MRPS6: variants seen among roughly 807,000 people sequenced by gnomAD.
MRPS6 encodes the protein mitochondrial ribosomal protein S6.
In MRPS6, 6 loss-of-function variants were observed where a neutral mutation model predicts 13.1. That is an observed-to-expected ratio of 0.46 (90% CI 0.25 to 0.91). The LOEUF is 0.91. MRPS6 is among the 40% of genes least tolerant of loss of function. The probability of loss-of-function intolerance (pLI) is 0.18; values close to 1 mark genes in which losing one functional copy is unlikely to be tolerated. For synonymous variants in MRPS6, 61 were observed against 56.5 expected (o/e 1.08, Z -0.36); for missense variants, 164 against 155.6 (o/e 1.05, Z -0.29).
intron 2 of MRPS6, among the ~76,000 whole-genome samples, chr21:34,139,226 T>A (rs1980819005): frequency 6.7e-6 from 1 of 148,572 alleles, no homozygotes; most frequent in Non-Finnish European, 1.5e-5. Context: ...TAGGAGATAT[T>A]CCTAATGCTA....
chr21:34,140,473 C>T (rs944430374), intron 2 of MRPS6, among the ~76,000 whole-genome samples: 4 of 152,076 alleles, frequency 2.6e-5, no homozygotes, highest in African/African-American at 9.6e-5. Flanking sequence ...GTTATATGGC[C>T]CAGAATATGG....
chr21:34,132,353 A>G (rs1980533241), intron 2 of MRPS6, among the ~76,000 whole-genome samples: 1 of 152,228 alleles, frequency 6.6e-6, no homozygotes, highest in African/African-American at 2.4e-5. Flanking sequence ...CTTTGCCCAC[A>G]TCAGCCCCGG....
Position 34,087,165 on chromosome 21 carries a change from A to G in MRPS6, c.45+13420A>G, listed in dbSNP as rs1366685536. Reference sequence around the variant, plus strand: ...GCCACTGAGATTTTTATCTGAATGAACATATTTGTCTAGTCCAGTTTGCCT... The same window carrying G: ...GCCACTGAGATTTTTATCTGAATGAGCATATTTGTCTAGTCCAGTTTGCCT... On this transcript the variant is annotated intron_variant, in intron 1 of 2. Coordinates refer to ENST00000399312, the MANE Select transcript of MRPS6 (RefSeq NM_032476.4). Among the ~76,000 whole-genome samples the G allele has an allele frequency of 2.0e-5, 3 of 152,128 alleles. No individual in the cohort carries two copies. In the East Asian group the frequency reaches 5.8e-4, roughly 29 times the overall value.
intron 1 of MRPS6, among the ~76,000 whole-genome samples, chr21:34,109,569 C>CT (rs1979616619): frequency 6.6e-6 from 1 of 152,150 alleles, no homozygotes; most frequent in Non-Finnish European, 1.5e-5. Flanking sequence ...GCAGAGCCCT[C>CT]TTTTTTATCT....
chr21:34,106,927 C>CTT (rs879395530), intron 1 of MRPS6, among the ~76,000 whole-genome samples: 13 of 146,414 alleles, frequency 8.9e-5, no homozygotes, highest in African/African-American at 3.0e-4. Context: ...ACGGTATTGA[C>CTT]TTTTTTTTTT....
intron 1 of MRPS6, among the ~76,000 whole-genome samples, chr21:34,111,132 C>T (rs1367515127): frequency 6.6e-6 from 1 of 152,186 alleles, no homozygotes; most frequent in Non-Finnish European, 1.5e-5. Context: ...CAGTTTTCCA[C>T]CATGCTGTGC....
At chr21:34,138,220 G>T (rs1181570623) in intron 2 of MRPS6, among the ~76,000 whole-genome samples, 1 of 151,990 alleles carries the variant, frequency 6.6e-6, no homozygotes, top group African/African-American at 2.4e-5. Context: ...TGTTCACTCT[G>T]ATGGTAGTTT....
intron 1 of MRPS6, chr21:34,104,180 G>C: frequency 1.0e-6 from 1 of 1,000,014 alleles, no homozygotes; most frequent in Non-Finnish European, 1.2e-6. Flanking sequence ...TTTGATCTGA[G>C]TGTTCTGAGC....
chr21:34,125,050 A>G, intron 1 of MRPS6: 1 of 277,706 alleles, frequency 3.6e-6, no homozygotes, highest in East Asian at 7.6e-5. Flanking sequence ...GCTCTGAAGA[A>G]GCCACTCATT....
rs1044834718 is a variant in MRPS6, at chr21:34,103,250, C to T, written c.46-22091C>T. On this transcript the variant is annotated intron_variant, in intron 1 of 2. Transcript: ENST00000399312. ...ATTGACTCTGCTAGTTTGCACCTTTCCGTTCTTAACAGAAAATTTGTATTT... is the reference window on the plus strand; with the variant it reads ...ATTGACTCTGCTAGTTTGCACCTTTTCGTTCTTAACAGAAAATTTGTATTT... 2.3e-5 allele frequency: 23 copies of T among 999,172 alleles called. No homozygotes were observed. The African/African-American group carries it at 3.9e-4, about 17-fold the overall frequency. The allele number at this position is 999,172 out of a possible 1,614,324, so 61.9% of individuals were successfully genotyped here. A position where few individuals can be genotyped will look rare whatever the true frequency, so the allele number is the denominator to read the frequency against.
At chr21:34,075,166 C>T (rs920643885) in intron 1 of MRPS6, among the ~76,000 whole-genome samples, 1 of 152,158 alleles carries the variant, frequency 6.6e-6, no homozygotes, top group African/African-American at 2.4e-5. Flanking sequence ...CTTCAACTTA[C>T]GTGTTTTAGG....
At chr21:34,109,884 C>T (rs1330187436) in intron 1 of MRPS6, among the ~76,000 whole-genome samples, 2 of 151,958 alleles carry the variant, frequency 1.3e-5, no homozygotes, top group Admixed American at 6.6e-5. Flanking sequence ...TTTTATTTGA[C>T]AATCATACCT....
At chr21:34,101,061 T>C (rs1270631476) in intron 1 of MRPS6, 1 of 1,000,068 alleles carries the variant, frequency 1.0e-6, no homozygotes, top group Non-Finnish European at 1.2e-6. Context: ...TAGAGAGATG[T>C]ATACAAGACC....
At chr21:34,097,291 T>G in intron 1 of MRPS6, 1 of 1,612,826 alleles carries the variant, frequency 6.2e-7, no homozygotes, top group Non-Finnish European at 8.5e-7. Flanking sequence ...AAAGTAATAC[T>G]AAATATTGGA....
At chr21:34,114,689 C>T (rs1212626302) in intron 1 of MRPS6, among the ~76,000 whole-genome samples, 2 of 152,150 alleles carry the variant, frequency 1.3e-5, no homozygotes, top group South Asian at 2.1e-4. Context: ...AGTGAGCCCC[C>T]AAATTTGTCC....
chr21:34,094,949 A>G, intron 1 of MRPS6: 1 of 446,524 alleles, frequency 2.2e-6, no homozygotes, highest in Non-Finnish European at 3.9e-6. Context: ...TCTTGTGGAG[A>G]GTGGATTAAG....
intron 2 of MRPS6, 80 bp from the exon 3 acceptor site, chr21:34,142,328 G>A: frequency 6.8e-7 from 1 of 1,467,868 alleles, no homozygotes; most frequent in Non-Finnish European, 9.1e-7. Context: ...TCTAGGAAGA[G>A]TAAAATGGAA....
chr21:34,098,376 G>GAA, intron 1 of MRPS6: 1 of 1,000,264 alleles, frequency 1.0e-6, no homozygotes, highest in Non-Finnish European at 1.2e-6. Flanking sequence ...TGCTCTACTT[G>GAA]ATTAGATCAT....
intron 1 of MRPS6, chr21:34,103,899 T>C: frequency 2.0e-6 from 2 of 1,000,136 alleles, no homozygotes; most frequent in Non-Finnish European, 2.4e-6. Flanking sequence ...ACTGGAGAAA[T>C]AGGGACAGAT....
Sources: allele counts gnomAD v4.1 joint callset (sites outside exome capture counted in the v4.1 genomes callset), GRCh38; gene constraint gnomAD v4.1.1; transcripts MANE v1.5; gene names NCBI Gene and HGNC (gene_info 2026-07-23, HGNC 2026-07-21).